The following WWOX variants were observed in gnomAD, a reference collection of about 807,000 sequenced individuals.
WWOX encodes WW domain containing oxidoreductase, also known as WW domain-containing oxidoreductase.
In WWOX, 69 loss-of-function variants were observed where a neutral mutation model predicts 46.2. That is an observed-to-expected ratio of 1.49 (90% CI 1.23 to 1.82). The LOEUF (loss-of-function observed/expected upper bound fraction) is 1.82. WWOX is among the 40% of genes most tolerant of loss of function. The probability of loss-of-function intolerance (pLI) is 0.00; values close to 1 mark genes in which losing one functional copy is unlikely to be tolerated. For synonymous variants in WWOX, 359 were observed against 202.6 expected, an observed-to-expected ratio of 1.77 and a Z score of -6.56; for missense variants, 919 against 542.6, an observed-to-expected ratio of 1.69 and a Z score of -6.89.
chr16:78,880,323 C>T (rs186286636), intron 8 of WWOX, among the ~76,000 whole-genome samples: 7 of 152,274 alleles, frequency 4.6e-5, no homozygotes, highest in Non-Finnish European at 5.9e-5. Context: ...TTCACCCGTA[C>T]CTGTGGAAAT....
chr16:78,952,922 A>C (rs1254257387), intron 8 of WWOX, among the ~76,000 whole-genome samples: 1 of 152,204 alleles, frequency 6.6e-6, no homozygotes. Context: ...GGGAAACCTG[A>C]AGCTGGCTCA....
intron 8 of WWOX, among the ~76,000 whole-genome samples, chr16:78,671,049 C>A (rs922492688): frequency 2.1e-4 from 32 of 152,160 alleles, no homozygotes; most frequent in Non-Finnish European, 2.9e-5. Context: ...GCAAGCATTT[C>A]TCCTGCAGAA....
chr16:78,800,010 T>C (rs966622930), intron 8 of WWOX, among the ~76,000 whole-genome samples: 14 of 152,076 alleles, frequency 9.2e-5, no homozygotes, highest in Admixed American at 8.5e-4. Context: ...TTTCTCTCCT[T>C]CCCCATTAAA....
At chr16:79,138,488 C>T (rs984545905) in intron 8 of WWOX, among the ~76,000 whole-genome samples, 4 of 152,194 alleles carry the variant, frequency 2.6e-5, no homozygotes, top group Non-Finnish European at 4.4e-5. Context: ...GGAACAACTG[C>T]CTCACTCCTG....
At position 78,614,707 on chromosome 16, in the gene WWOX, C is replaced by T. The variant is rs1395712356; in HGVS notation, c.1056+181955C>T. Among the ~76,000 whole-genome samples, 12 of 152,206 alleles carry T rather than the reference C, an allele frequency of 7.9e-5. No homozygotes were observed. In the South Asian group the frequency reaches 1.0e-3, roughly 13 times the overall value. On this transcript the variant is annotated intron_variant, in intron 8 of 8. Transcript: ENST00000566780. ...GATACTAACGCTACATGAAGAGGGA[C>T]GGGGCCAACAGCAGGCTCTTCCTTG...
At position 78,348,844 on chromosome 16, in the gene WWOX, C is replaced by T. The variant is rs1481371594; in HGVS notation, c.517-38016C>T. On this transcript the variant is annotated intron_variant, in intron 5 of 8. Transcript: ENST00000566780. ...AAGAGAAATATAAGAGAAAGAAAGA[C>T]TTGTATCTGTTGTTAGTGAGTTTTT... Among the ~76,000 whole-genome samples the T allele has an allele frequency of 2.5e-5, 3 of 120,248 alleles. 1 individual carries two copies. The highest frequency in any genetic ancestry group is 1.6e-4 in the Admixed American group (2 of 12,266). 78.9% of individuals were successfully genotyped at this position (120,248 alleles called of 152,430 possible). A position where few individuals can be genotyped will look rare whatever the true frequency, so the allele number is the denominator to read the frequency against.
intron 8 of WWOX, among the ~76,000 whole-genome samples, chr16:79,170,939 G>A (rs1014321366): frequency 1.3e-5 from 2 of 152,144 alleles, no homozygotes; most frequent in Non-Finnish European, 2.9e-5. Context: ...TTAATACATT[G>A]ACTTATCTAA....
chr16:79,051,626 A>C (rs2550684), intron 8 of WWOX, among the ~76,000 whole-genome samples: 127 of 152,312 alleles, frequency 8.3e-4, no homozygotes, highest in African/African-American at 2.9e-3. Context: ...CGCTGCCTCA[A>C]ATTTCTTTAG....
At chr16:79,070,399 C>T (rs963950931) in intron 8 of WWOX, among the ~76,000 whole-genome samples, 12 of 152,066 alleles carry the variant, frequency 7.9e-5, no homozygotes, top group Non-Finnish European at 1.6e-4. Flanking sequence ...AAATGGTCTC[C>T]TGGCTGTCTT....
intron 8 of WWOX, among the ~76,000 whole-genome samples, chr16:78,832,951 C>G (rs72801095): frequency 6.6e-6 from 1 of 151,696 alleles, no homozygotes; most frequent in African/African-American, 2.4e-5. Flanking sequence ...GCCATTTGGA[C>G]AATGTGCTAT....
chr16:78,224,106 C>G (rs571532455), intron 5 of WWOX, among the ~76,000 whole-genome samples: 2 of 152,250 alleles, frequency 1.3e-5, no homozygotes, highest in East Asian at 3.9e-4. Context: ...TGGGTTCACA[C>G]CATTTTCCTG....
In WWOX at chr16:78,579,943, C is replaced by T. The variant is rs2045006816; in HGVS notation, c.1056+147191C>T. ...GACTTCTGTTCTGAATGTTAAAATG[C>T]AGGTGGCTGTGAGGGAGTCTTCTGA... On this transcript the variant is annotated intron_variant, in intron 8 of 8. Transcript: ENST00000566780. Among the ~76,000 whole-genome samples the T allele has an allele frequency of 2.0e-5, 3 of 152,220 alleles. No homozygotes were observed. The South Asian group carries it at 6.2e-4, about 31-fold the overall frequency.
chr16:78,794,554 G>C (rs2050689381), intron 8 of WWOX, among the ~76,000 whole-genome samples: 1 of 152,152 alleles, frequency 6.6e-6, no homozygotes, highest in Non-Finnish European at 1.5e-5. Flanking sequence ...TAATATCTAA[G>C]AGGTAATAAC....
At position 79,040,275 on chromosome 16, in the gene WWOX, A is replaced by ATTTT. The variant is rs35194921; in HGVS notation, c.1057-171319_1057-171316dup. Among the ~76,000 whole-genome samples the ATTTT allele has an allele frequency of 5.0e-4, 70 of 139,232 alleles. 1 individual carries two copies. The highest frequency in any genetic ancestry group is 1.2e-3 in the African/African-American group (45 of 37,440). 91.3% of individuals were successfully genotyped at this position (139,232 alleles called of 152,430 possible). A position where few individuals can be genotyped will look rare whatever the true frequency, so the allele number is the denominator to read the frequency against. On this transcript the variant is annotated intron_variant, in intron 8 of 8. Coordinates refer to ENST00000566780, the MANE Select transcript of WWOX (RefSeq NM_016373.4). ...ATTTCAGTTCATTCTTTCTGAGTTG[A>ATTTT]TTTTTTTTTTTTTTTTTGAGACAAG...
chr16:78,725,042 C>G (rs777187805), intron 8 of WWOX, among the ~76,000 whole-genome samples: 5 of 152,050 alleles, frequency 3.3e-5, no homozygotes, highest in Non-Finnish European at 7.4e-5. Context: ...CCATAATTCC[C>G]ATATGTTGTG....
intron 8 of WWOX, among the ~76,000 whole-genome samples, chr16:78,738,692 G>A (rs1284610146): frequency 6.6e-6 from 1 of 152,162 alleles, no homozygotes; most frequent in Non-Finnish European, 1.5e-5. Flanking sequence ...GCTAGAATGT[G>A]TAGGAGACGG....
At chr16:78,863,733 T>C (rs924692616) in intron 8 of WWOX, among the ~76,000 whole-genome samples, 3 of 152,178 alleles carry the variant, frequency 2.0e-5, no homozygotes, top group Admixed American at 6.5e-5. Flanking sequence ...AATGAATAAA[T>C]TAATGGGTGG....
intron 8 of WWOX, among the ~76,000 whole-genome samples, chr16:78,989,428 T>C (rs2046841351): frequency 6.6e-6 from 1 of 152,128 alleles, no homozygotes; most frequent in African/African-American, 2.4e-5. Flanking sequence ...GCACCACAAA[T>C]ATTGCATCCA....
intron 8 of WWOX, among the ~76,000 whole-genome samples, chr16:78,793,846 CAGG>C (rs772801339): frequency 6.6e-6 from 1 of 151,346 alleles, no homozygotes; most frequent in Non-Finnish European, 1.5e-5. Flanking sequence ...GAGGCCGAGG[CAGG>C]AGAATCATTT....
Sources: gnomAD v4.1 joint callset for allele counts (sites outside exome capture counted in the v4.1 genomes callset) on GRCh38, gnomAD v4.1.1 for gene constraint, MANE v1.5 for transcripts, NCBI Gene and HGNC (gene_info 2026-07-23, HGNC 2026-07-21) for gene names.